Variants in KHDC1 observed in about 807,000 individuals in gnomAD.
KHDC1 encodes KH domain containing 1.
Under a neutral mutation model 24.7 loss-of-function variants are expected in KHDC1, and 21 were observed. The ratio of observed to expected loss-of-function variants is 0.85; its 90% CI spans 0.60 to 1.23. KHDC1 has a LOEUF of 1.23. Ranked by LOEUF, KHDC1 falls within the 50% of genes most tolerant of loss-of-function variation. The pLI, the probability that KHDC1 is intolerant of heterozygous loss-of-function variation, is 0.00. For synonymous variants in KHDC1, 98 were observed against 111.7 expected (o/e 0.88, Z 0.77); for missense variants, 274 against 298.5 (o/e 0.92, Z 0.61).
At chr6:73,241,981 A>T (rs1766578011) in intron 4 of KHDC1, 74 bp downstream of exon 3, 37 of 1,480,966 alleles carry the variant, frequency 2.5e-5, no homozygotes, top group Non-Finnish European at 3.2e-5. Flanking sequence ...TTCTTCAAGA[A>T]TCCAAGATGC....
chr6:73,272,415 G>C lies in KHDC1; in HGVS notation c.206+19583C>G, dbSNP rs142971380. Among the ~76,000 whole-genome samples, 67 of 151,938 alleles carry C rather than the reference G, an allele frequency of 4.4e-4. No homozygotes were observed. The East Asian group carries it at 0.013, about 30-fold the overall frequency. On this transcript the variant is annotated intron_variant, in intron 2 of 4. Coordinates refer to ENST00000370384, the Ensembl canonical transcript of KHDC1. ...CTCCCAAAGTGCTGGGATTACAGGC[G>C]TGAGCCACCGCGCCCAGCCCTCCTA...
intron 1 of KHDC1, chr6:73,309,515 G>A (rs1242496202): frequency 6.7e-7 from 1 of 1,485,482 alleles, no homozygotes; most frequent in African/African-American, 1.4e-5. Context: ...CCTGGGTGAA[G>A]GAAGCTTTTC....
At chr6:73,299,208 T>G (rs1199147250) in intron 1 of KHDC1, 1 of 152,266 alleles carries the variant, frequency 6.6e-6, no homozygotes, top group African/African-American at 2.4e-5. Context: ...AGGGCCTTCG[T>G]GGGTCGAGAG....
chr6:73,251,612 A>C, intron 2 of KHDC1, among the ~76,000 whole-genome samples: 1 of 152,150 alleles, frequency 6.6e-6, no homozygotes, highest in Middle Eastern at 3.2e-3. Flanking sequence ...ATAAACATAA[A>C]AAGAAATGTT....
chr6:73,249,108 A>C (rs1766730953), intron 2 of KHDC1, among the ~76,000 whole-genome samples: 1 of 152,112 alleles, frequency 6.6e-6, no homozygotes, highest in East Asian at 1.9e-4. Flanking sequence ...TGAGTGAAAT[A>C]AAGAAACCAT....
chr6:73,302,513 T>C (rs1582590926), intron 1 of KHDC1, among the ~76,000 whole-genome samples: 2 of 152,298 alleles, frequency 1.3e-5, no homozygotes, highest in Non-Finnish European at 1.5e-5. Flanking sequence ...GTATGGCATA[T>C]TATACAACTG....
chr6:73,304,065 G>C (rs1398960001), intron 1 of KHDC1, among the ~76,000 whole-genome samples: 3 of 152,028 alleles, frequency 2.0e-5, no homozygotes, highest in Non-Finnish European at 4.4e-5. Context: ...TGTAATCCCA[G>C]CTGCTCGGGA....
chr6:73,307,200 C>G (rs1767981000), intron 1 of KHDC1, among the ~76,000 whole-genome samples: 2 of 151,940 alleles, frequency 1.3e-5, no homozygotes, highest in Non-Finnish European at 2.9e-5. Context: ...GAGGCTGAGG[C>G]GGGTGGATCA....
At chr6:73,294,215 A>G (rs1767718476) in intron 1 of KHDC1, among the ~76,000 whole-genome samples, 1 of 152,136 alleles carries the variant, frequency 6.6e-6, no homozygotes, top group African/African-American at 2.4e-5. Flanking sequence ...TAAATTTCAC[A>G]AGAATGAAGA....
intron 1 of KHDC1, among the ~76,000 whole-genome samples, chr6:73,303,894 G>A (rs1355572152): frequency 6.6e-6 from 1 of 152,110 alleles, no homozygotes; most frequent in Non-Finnish European, 1.5e-5. Context: ...AAATTATTTT[G>A]TGGGCTGGGC....
rs192875540 is a variant in KHDC1, at chr6:73,296,220, C to T, written c.164-4180G>A. 2.7e-4 allele frequency among the ~76,000 whole-genome samples: 41 copies of T among 151,812 alleles called. No individual in the cohort carries two copies. The East Asian group carries it at 6.2e-3, about 23-fold the overall frequency. ...CTATAATCCTAGCACTTTGGGAGGC[C>T]GAGGTGGGCAAATCATTTGAGGCCA... is the stretch of plus-strand genomic sequence containing the variant. On this transcript the variant is annotated intron_variant, in intron 1 of 4. Coordinates refer to ENST00000370384, the Ensembl canonical transcript of KHDC1.
At chr6:73,279,847 A>G (rs1257803443) in intron 2 of KHDC1, among the ~76,000 whole-genome samples, 2 of 152,160 alleles carry the variant, frequency 1.3e-5, no homozygotes, top group African/African-American at 4.8e-5. Flanking sequence ...AAGTGCCAGG[A>G]TTACAGGCGT....
intron 1 of KHDC1, among the ~76,000 whole-genome samples, chr6:73,296,094 A>T (rs1378409558): frequency 6.6e-6 from 1 of 151,912 alleles, no homozygotes; most frequent in African/African-American, 2.4e-5. Context: ...GTGAGCCGAG[A>T]TCGTGCCACT....
intron 2 of KHDC1, among the ~76,000 whole-genome samples, chr6:73,279,829 G>A (rs1429100476): frequency 6.6e-6 from 1 of 152,086 alleles, no homozygotes; most frequent in Non-Finnish European, 1.5e-5. Context: ...ACTCACCTCG[G>A]CCTCCCAAAG....
At chr6:73,301,798 C>CT (rs895862120) in intron 1 of KHDC1, among the ~76,000 whole-genome samples, 8 of 148,700 alleles carry the variant, frequency 5.4e-5, no homozygotes, top group Non-Finnish European at 1.0e-4. Flanking sequence ...GTCCAGCTAA[C>CT]TTTTTTTTTT....
intron 1 of KHDC1, among the ~76,000 whole-genome samples, chr6:73,305,699 A>G (rs1767950288): frequency 6.6e-6 from 1 of 152,152 alleles, no homozygotes; most frequent in South Asian, 2.1e-4. Flanking sequence ...TCACTCTGTC[A>G]CCCAGGCTGG....
intron 2 of KHDC1, among the ~76,000 whole-genome samples, chr6:73,248,796 T>A (rs574021822): frequency 6.6e-5 from 10 of 152,154 alleles, no homozygotes; most frequent in Non-Finnish European, 1.3e-4. Context: ...CCATCTGACT[T>A]TTCCTGTTTC....
chr6:73,262,711 A>T (rs1767002209), intron 2 of KHDC1, 63 bp downstream of exon 1: 1 of 983,946 alleles, frequency 1.0e-6, no homozygotes, highest in South Asian at 4.7e-5. Context: ...CACTTTCCTT[A>T]TCTGTAAGAT....
chr6:73,288,886 T>C (rs1171883800), intron 2 of KHDC1, among the ~76,000 whole-genome samples: 3 of 149,598 alleles, frequency 2.0e-5, no homozygotes, highest in African/African-American at 7.4e-5. Flanking sequence ...CCTAGCCTAA[T>C]AACACAGCCT....
Sources: allele counts gnomAD v4.1 joint callset (sites outside exome capture counted in the v4.1 genomes callset), GRCh38; gene constraint gnomAD v4.1.1; transcripts MANE v1.5; gene names NCBI Gene and HGNC (gene_info 2026-07-23, HGNC 2026-07-21).